DMD: variants seen among roughly 807,000 people sequenced by gnomAD.
The protein encoded by DMD is mutant dystrophin.
In DMD, 63 loss-of-function variants were observed where a neutral mutation model predicts 330.1. The observed-to-expected ratio is 0.19, with a 90% CI of 0.16 to 0.24. DMD has a LOEUF of 0.24. DMD is among the 10% of genes least tolerant of loss of function. The pLI, the probability that DMD is intolerant of heterozygous loss-of-function variation, is 1.00. For synonymous variants in DMD, 1,223 were observed against 959.8 expected, an observed-to-expected ratio of 1.27 and a Z score of -5.07; for missense variants, 3,344 against 2,684.1, an observed-to-expected ratio of 1.25 and a Z score of -5.43.
intron 55 of DMD, among the ~76,000 whole-genome samples, chrX:31,521,392 A>G (rs1334162097): frequency 9.0e-6 from 1 of 110,621 alleles, no homozygotes; most frequent in Non-Finnish European, 1.9e-5. Context: ...CGAACTCCTA[A>G]CCTTATGTGA....
chrX:31,132,820 A>T (rs1019214514), intron 77 of DMD, among the ~76,000 whole-genome samples: 3 of 109,012 alleles, frequency 2.8e-5, no homozygotes, highest in Non-Finnish European at 5.7e-5. Context: ...TATGACATCT[A>T]GAAGAAGGAG....
At chrX:32,508,920 C>A (rs993582595) in intron 18 of DMD, among the ~76,000 whole-genome samples, 1 of 110,542 alleles carries the variant, frequency 9.0e-6, no homozygotes, top group Non-Finnish European at 1.9e-5. Flanking sequence ...ACGCCATTCT[C>A]CTTCCTCAGC....
At chrX:33,214,215 A>T (rs753135441), upstream of DMD, among the ~76,000 whole-genome samples, 4 of 111,024 alleles carry the variant, frequency 3.6e-5, no homozygotes, top group African/African-American at 6.6e-5. Context: ...GGTCACTACA[A>T]ATAAAGCTGC....
intron 43 of DMD, among the ~76,000 whole-genome samples, chrX:32,250,129 A>C (rs1325024068): frequency 9.0e-6 from 1 of 111,585 alleles, no homozygotes; most frequent in African/African-American, 3.3e-5. Flanking sequence ...ATAGTTTTAT[A>C]GAATCTTCTC....
chrX:32,867,910 C>T lies in DMD; in HGVS notation c.94-18090G>A, dbSNP rs995839813. On this transcript the variant is annotated intron_variant, in intron 2 of 78. Coordinates refer to ENST00000357033, the MANE Select transcript of DMD (RefSeq NM_004006.3). Reference sequence around the variant, plus strand: ...GAATTTAAGCAAAAACTTAAAGTTACATCAAAAATGGAAAAATATGGAGAG... The same window carrying T: ...GAATTTAAGCAAAAACTTAAAGTTATATCAAAAATGGAAAAATATGGAGAG... Among the ~76,000 whole-genome samples the T allele has an allele frequency of 7.2e-5, 8 of 111,097 alleles. No homozygotes were observed. In the Admixed American group the frequency reaches 7.6e-4, roughly 11 times the overall value.
chrX:31,639,324 A>C (rs1254286577), intron 54 of DMD, among the ~76,000 whole-genome samples: 3 of 111,809 alleles, frequency 2.7e-5, no homozygotes, highest in Non-Finnish European at 5.6e-5. Context: ...GTCTGACAGC[A>C]CTTTGGAATA....
intron 44 of DMD, among the ~76,000 whole-genome samples, chrX:32,103,867 G>C (rs754961587): frequency 8.9e-6 from 1 of 111,912 alleles, no homozygotes; most frequent in East Asian, 2.8e-4. Flanking sequence ...CCCCCCAGTG[G>C]CTATTCATTT....
At chrX:31,277,918 G>A (rs1038593012) in intron 62 of DMD, among the ~76,000 whole-genome samples, 1 of 109,290 alleles carries the variant, frequency 9.1e-6, no homozygotes, top group South Asian at 4.0e-4. Context: ...TCACAATCTG[G>A]GTAACAGGTC....
chrX:32,233,506 GATCTTTCACAATACAATA>G (rs1375712227), intron 43 of DMD, among the ~76,000 whole-genome samples: 1 of 98,321 alleles, frequency 1.0e-5, no homozygotes, highest in Non-Finnish European at 2.1e-5. Flanking sequence ...AATAGCTGCA[GATCTTTCACAATACAATA>G]AATTAAAAAA....
intron 49 of DMD, among the ~76,000 whole-genome samples, chrX:31,833,404 G>A (rs1440897089): frequency 1.0e-5 from 1 of 98,628 alleles, no homozygotes; most frequent in Non-Finnish European, 2.0e-5. Flanking sequence ...AAAGAGAGTT[G>A]AAGTGCTAAA....
At position 31,134,084 on chromosome X, in the gene DMD, C is replaced by T; in HGVS notation, c.11014+18G>A. The T allele has an allele frequency of 8.4e-7, 1 of 1,195,458 alleles. No individual in the cohort carries two copies. Among genetic ancestry groups the T allele is most frequent in the South Asian group, 1.8e-5 (1 of 56,369 alleles). On this transcript the variant is annotated intron_variant, in intron 77 of 78. Transcript: ENST00000357033. Reference sequence around the variant, plus strand: ...TGATCCCAGCAAATCTGAGTCCCTTCTAGGTATTGGAGCTTACCTCTTGAA... The same window carrying T: ...TGATCCCAGCAAATCTGAGTCCCTTTTAGGTATTGGAGCTTACCTCTTGAA...
At chrX:32,611,693 A>G (rs1569305426) in intron 12 of DMD, among the ~76,000 whole-genome samples, 2 of 111,467 alleles carry the variant, frequency 1.8e-5, no homozygotes, top group Non-Finnish European at 3.8e-5. Flanking sequence ...CTATGCTAAC[A>G]TTCTTCTTCT....
At chrX:32,815,070 C>T (rs919033037) in intron 6 of DMD, among the ~76,000 whole-genome samples, 3 of 110,810 alleles carry the variant, frequency 2.7e-5, no homozygotes, top group Non-Finnish European at 3.8e-5. Flanking sequence ...AATGTGTTAA[C>T]GCTGCTTAAC....
At chrX:32,597,113 C>T (rs964608861) in intron 12 of DMD, among the ~76,000 whole-genome samples, 2 of 111,682 alleles carry the variant, frequency 1.8e-5, no homozygotes, top group African/African-American at 6.5e-5. Flanking sequence ...ACCAGGATTG[C>T]TTTTCTTCCA....
At chrX:31,314,762 G>C (rs1013449642) in intron 62 of DMD, among the ~76,000 whole-genome samples, 1 of 105,359 alleles carries the variant, frequency 9.5e-6, no homozygotes, top group African/African-American at 3.6e-5. Flanking sequence ...GAGAGAGAGA[G>C]AGAGAGAGAG....
At chrX:32,339,125 A>G (rs2097729343) in intron 41 of DMD, among the ~76,000 whole-genome samples, 1 of 111,795 alleles carries the variant, frequency 8.9e-6, no homozygotes, top group South Asian at 3.7e-4. Flanking sequence ...ATATTACCTT[A>G]TTTAATCCTC....
chrX:32,853,488 G>T (rs1266067104), intron 2 of DMD, among the ~76,000 whole-genome samples: 2 of 111,313 alleles, frequency 1.8e-5, no homozygotes, highest in Admixed American at 9.6e-5. Flanking sequence ...TTTTCTCTTT[G>T]CTTTCTTGTT....
intron 62 of DMD, among the ~76,000 whole-genome samples, chrX:31,289,251 C>CAAAAAAAAAAAAAAAAAAAAAAAAAAA (rs773939250): frequency 2.5e-4 from 6 of 23,583 alleles, no homozygotes; most frequent in Admixed American, 4.6e-4. Flanking sequence ...GGTGACAGAG[C>CAAAAAAAAAAAAAAAAAAAAAAAAAAA]AAAAAAAAAA....
At chrX:31,542,205 C>T (rs1212347246) in intron 55 of DMD, among the ~76,000 whole-genome samples, 1 of 111,735 alleles carries the variant, frequency 8.9e-6, no homozygotes, top group Non-Finnish European at 1.9e-5. Context: ...AGATGAGTAG[C>T]AATTAAATTA....
Sources: gnomAD v4.1 joint callset for allele counts (sites outside exome capture counted in the v4.1 genomes callset) on GRCh38, gnomAD v4.1.1 for gene constraint, MANE v1.5 for transcripts, NCBI Gene and HGNC (gene_info 2026-07-23, HGNC 2026-07-21) for gene names.